LANCL1: variants seen among roughly 807,000 people sequenced by gnomAD.
LANCL1 encodes the protein glutathione S-transferase LANCL1.
LANCL1 carries 50 observed loss-of-function variants against 50.6 expected under a neutral mutation model. The ratio of observed to expected loss-of-function variants is 0.99; its 90% confidence interval spans 0.79 to 1.25. The LOEUF is 1.25. Among genes scored for constraint, LANCL1 ranks in the 50% most tolerant of loss-of-function variants. The pLI is 0.00. For synonymous variants in LANCL1, 188 were observed against 178.6 expected (o/e 1.05, Z -0.42); for missense variants, 532 against 480.7 (o/e 1.11, Z -1.00).
chr2:210,476,812 G>GC, upstream of LANCL1: 5 of 1,006,040 alleles, frequency 5.0e-6, no homozygotes, highest in African/African-American at 1.7e-5. Context: ...CCCGAGACCC[G>GC]CCCCCTTCTC....
chr2:210,467,443 C>G (rs549066975), intron 3 of LANCL1, among the ~76,000 whole-genome samples: 8 of 152,276 alleles, frequency 5.3e-5, no homozygotes, highest in African/African-American at 1.9e-4. Flanking sequence ...AATGTGAAAA[C>G]GAGGATGAAG....
At chr2:210,477,471 C>T, upstream of LANCL1, 3 of 1,243,232 alleles carry the variant, frequency 2.4e-6, no homozygotes, top group Non-Finnish European at 3.0e-6. Context: ...TAGGCCCATT[C>T]TATTGCTCAG....
intron 2 of LANCL1, among the ~76,000 whole-genome samples, chr2:210,472,732 CTTT>C (rs1335580434): frequency 3.3e-5 from 5 of 152,210 alleles, no homozygotes; most frequent in African/African-American, 4.8e-5. Flanking sequence ...CTCATAACTT[CTTT>C]ATGTTTCAAA....
chr2:210,440,318 C>G (rs1002062120), intron 6 of LANCL1, among the ~76,000 whole-genome samples: 2 of 152,194 alleles, frequency 1.3e-5, no homozygotes, highest in Admixed American at 1.3e-4. Flanking sequence ...AATTATAAGT[C>G]AAAACACTTT....
intron 7 of LANCL1, 74 bp from the exon 8 acceptor site, chr2:210,436,466 TAAG>T: frequency 7.1e-7 from 1 of 1,399,650 alleles, no homozygotes; most frequent in Non-Finnish European, 1.0e-6. Flanking sequence ...TCCTGATAGA[TAAG>T]AAGGAAAGAG....
rs951349317 is a variant in LANCL1 at position 210,471,407 on chromosome 2, C to T, written c.199+552G>A. On this transcript the variant is annotated intron_variant, in intron 3 of 9. Coordinates refer to ENST00000450366, the MANE Select transcript of LANCL1 (RefSeq NM_006055.3). Reference sequence around the variant, plus strand: ...ATCAATGCACTGTTTCTTCCTAAACCTCCTCCAGCCTCTCAATGATTGAGA... The same window carrying T: ...ATCAATGCACTGTTTCTTCCTAAACTTCCTCCAGCCTCTCAATGATTGAGA... 11 of 354,610 alleles carry T rather than the reference C, an allele frequency of 3.1e-5. No homozygotes were observed. In the Admixed American group the frequency reaches 3.4e-4, roughly 11 times the overall value. 22.0% of individuals were successfully genotyped at this position (354,610 alleles called of 1,614,324 possible). A position where few individuals can be genotyped will look rare whatever the true frequency, so the allele number is the denominator to read the frequency against.
At chr2:210,438,496 A>G (rs1693016285) in intron 6 of LANCL1, among the ~76,000 whole-genome samples, 1 of 152,200 alleles carries the variant, frequency 6.6e-6, no homozygotes, top group African/African-American at 2.4e-5. Flanking sequence ...AATTTTCCTA[A>G]GTCAATGCCT....
rs575928570 is a variant in LANCL1 at position 210,448,612 on chromosome 2, C to T, written c.407+6495G>A. Among the ~76,000 whole-genome samples, 4 of 151,946 alleles carry T rather than the reference C, an allele frequency of 2.6e-5. No homozygotes were observed. The South Asian group carries it at 6.2e-4, about 24-fold the overall frequency. ...TAAAATAGATAGACCACTAGCCAGA[C>T]TAATAAAGAAGAAAAGAGAGAAGAA... On this transcript the variant is annotated intron_variant, in intron 4 of 9. Coordinates refer to ENST00000450366, the MANE Select transcript of LANCL1 (RefSeq NM_006055.3).
At chr2:210,457,889 C>A (rs1397927576) in intron 3 of LANCL1, among the ~76,000 whole-genome samples, 2 of 152,120 alleles carry the variant, frequency 1.3e-5, no homozygotes, top group Non-Finnish European at 2.9e-5. Flanking sequence ...AACAATAATG[C>A]CCTGGATTTT....
chr2:210,474,044 T>C (rs1694291551), intron 2 of LANCL1, among the ~76,000 whole-genome samples: 2 of 152,234 alleles, frequency 1.3e-5, no homozygotes, highest in South Asian at 4.1e-4. Flanking sequence ...CTCAGCCTTA[T>C]GAAGGGAAGT....
At chr2:210,471,058 TTTTTTTTG>T in intron 3 of LANCL1, among the ~76,000 whole-genome samples, 1 of 146,208 alleles carries the variant, frequency 6.8e-6, no homozygotes, top group Non-Finnish European at 1.5e-5. Context: ...TTTTTTTTTT[TTTTTTTTG>T]AGATGGAGTC....
chr2:210,458,968 G>A (rs1473824939), intron 3 of LANCL1, among the ~76,000 whole-genome samples: 6 of 151,956 alleles, frequency 3.9e-5, no homozygotes, highest in Admixed American at 6.6e-5. Context: ...GACAAAAGCC[G>A]GTTTTAGCCA....
rs776795090 is a variant in LANCL1 at position 210,464,362 on chromosome 2, A to C, written c.199+7597T>G. 4.1e-4 allele frequency among the ~76,000 whole-genome samples: 62 copies of C among 152,294 alleles called. 1 individual carries two copies. Among genetic ancestry groups the C allele is most frequent in the Non-Finnish European group, 3.1e-4 (21 of 68,022 alleles). ...TTCTATTAGTTTTAATTTTTGTTGA[A>C]AAGATAGATGGGGAAAAAAAGGAGT... On this transcript the variant is annotated intron_variant, in intron 3 of 9. Transcript: ENST00000450366.
intron 4 of LANCL1, chr2:210,442,530 T>C (rs1693175848): frequency 6.6e-6 from 1 of 152,198 alleles, no homozygotes; most frequent in African/African-American, 2.4e-5. Flanking sequence ...TTACTTTCAG[T>C]TCTGATTTCA....
chr2:210,467,840 G>A (rs796840357), intron 3 of LANCL1, among the ~76,000 whole-genome samples: 45 of 152,314 alleles, frequency 3.0e-4, no homozygotes, highest in African/African-American at 9.6e-4. Flanking sequence ...CACCATGAAT[G>A]AGGTATTAAG....
In LANCL1 at chr2:210,431,537, A is replaced by G. The variant is rs1414959573; in HGVS notation, c.*2950T>C. The G allele has an allele frequency of 2.6e-5, 4 of 152,234 alleles. No homozygotes were observed. The highest frequency in any genetic ancestry group is 4.4e-5 in the Non-Finnish European group (3 of 68,040). The allele number at this position is 152,234 out of a possible 1,614,324, so 9.4% of individuals were successfully genotyped here. On this transcript the variant is annotated 3_prime_UTR_variant, in exon 10 of 10. Transcript: ENST00000450366. ...GATGAGTTCTAGCAGCCAAAGGAGT[A>G]TACATGTAAATAGTCACTCTTCACA...
At chr2:210,437,666 T>G (rs1005979878) in intron 7 of LANCL1, 24 bp downstream of exon 7, 5 of 1,422,922 alleles carry the variant, frequency 3.5e-6, no homozygotes. Flanking sequence ...TTAAAAAAAT[T>G]TATTTCAAAA....
At chr2:210,452,349 T>G (rs935465339) in intron 4 of LANCL1, among the ~76,000 whole-genome samples, 2 of 152,102 alleles carry the variant, frequency 1.3e-5, no homozygotes, top group Non-Finnish European at 2.9e-5. Flanking sequence ...CCCAAAGCAC[T>G]ATAAATGTTA....
intron 3 of LANCL1, among the ~76,000 whole-genome samples, chr2:210,461,437 T>C (rs1693855240): frequency 6.6e-6 from 1 of 152,128 alleles, no homozygotes; most frequent in Admixed American, 6.6e-5. Flanking sequence ...AGAAGACACC[T>C]GGCCAGAGTG....
Sources: allele counts gnomAD v4.1 joint callset (sites outside exome capture counted in the v4.1 genomes callset), GRCh38; gene constraint gnomAD v4.1.1; transcripts MANE v1.5; gene names NCBI Gene and HGNC (gene_info 2026-07-23, HGNC 2026-07-21).